The following CDK13 variants were observed in gnomAD, a reference collection of about 807,000 sequenced individuals.
CDK13 encodes the protein cyclin dependent kinase 13.
Under a neutral mutation model 137.6 loss-of-function variants are expected in CDK13, and 40 were observed. That is an observed-to-expected ratio of 0.29 (90% CI 0.23 to 0.38). CDK13 has a LOEUF of 0.38. CDK13 is among the 10% of genes least tolerant of loss of function. CDK13 has a pLI of 1.00. For missense variants in CDK13, 1,704 were observed against 1,951.8 expected (o/e 0.87, Z 2.39); for synonymous variants, 869 against 760.1 (o/e 1.14, Z -2.36).
chr7:39,993,728 A>G (rs1784508480), intron 2 of CDK13, among the ~76,000 whole-genome samples: 1 of 151,958 alleles, frequency 6.6e-6, no homozygotes, highest in Non-Finnish European at 1.5e-5. Context: ...ATTAATGGAT[A>G]CTTAGGTTTA....
At chr7:39,970,096 C>T (rs1783964025) in intron 1 of CDK13, among the ~76,000 whole-genome samples, 1 of 151,792 alleles carries the variant, frequency 6.6e-6, no homozygotes, top group Non-Finnish European at 1.5e-5. Context: ...CCTCCGCCTC[C>T]TGGGTTCAAG....
chr7:40,066,011 C>T (rs1786271903), intron 9 of CDK13, among the ~76,000 whole-genome samples: 1 of 152,086 alleles, frequency 6.6e-6, no homozygotes. Context: ...ATAGTGAGAA[C>T]TTGTCTCTAC....
At chr7:40,002,087 C>T in intron 5 of CDK13, 56 bp downstream of exon 5, 1 of 1,327,710 alleles carries the variant, frequency 7.5e-7, no homozygotes, top group Non-Finnish European at 1.0e-6. Context: ...ATGTTGCTAA[C>T]TTGGAAATTT....
intron 9 of CDK13, chr7:40,069,916 T>C (rs1786373210): frequency 2.6e-5 from 4 of 151,344 alleles, no homozygotes; most frequent in Admixed American, 1.3e-4. Flanking sequence ...ACCCCGTCTC[T>C]GCTAAAATAC....
intron 5 of CDK13, among the ~76,000 whole-genome samples, chr7:40,014,478 G>A (rs1357625817): frequency 1.4e-5 from 2 of 138,478 alleles, no homozygotes; most frequent in South Asian, 2.3e-4. Flanking sequence ...TTTTGAGATG[G>A]CCTTGCCCTG....
At chr7:40,084,588 G>A (rs1389296953) in intron 11 of CDK13, among the ~76,000 whole-genome samples, 1 of 152,216 alleles carries the variant, frequency 6.6e-6, no homozygotes, top group Non-Finnish European at 1.5e-5. Flanking sequence ...CAGCCTGTAA[G>A]CTTTCTTTAA....
chr7:40,029,334 A>G (rs545952377), intron 5 of CDK13, among the ~76,000 whole-genome samples: 2 of 152,052 alleles, frequency 1.3e-5, no homozygotes, highest in East Asian at 1.9e-4. Flanking sequence ...AGGCTGAGGC[A>G]GGAGAATCAC....
chr7:39,977,703 G>A (rs1445044209), intron 1 of CDK13, among the ~76,000 whole-genome samples: 1 of 152,166 alleles, frequency 6.6e-6, no homozygotes, highest in East Asian at 1.9e-4. Context: ...CGAAGGCTTT[G>A]GGGTAACTGA....
intron 7 of CDK13, among the ~76,000 whole-genome samples, chr7:40,058,953 G>C (rs933080821): frequency 6.6e-6 from 1 of 152,106 alleles, no homozygotes; most frequent in South Asian, 2.1e-4. Context: ...AAGTACATGG[G>C]GGGGTTGCCT....
intron 1 of CDK13, among the ~76,000 whole-genome samples, chr7:39,964,221 A>G (rs1477639014): frequency 2.6e-5 from 4 of 152,220 alleles, no homozygotes; most frequent in African/African-American, 9.7e-5. Context: ...TACCTCTGGT[A>G]GAATTCAGCT....
chr7:40,051,960 A>G (rs1340386305), intron 7 of CDK13, among the ~76,000 whole-genome samples: 1 of 152,140 alleles, frequency 6.6e-6, no homozygotes, highest in Non-Finnish European at 1.5e-5. Context: ...TTAACTGTTC[A>G]TCTTTTAGTA....
intron 12 of CDK13, among the ~76,000 whole-genome samples, chr7:40,090,440 G>A (rs1309124862): frequency 2.0e-5 from 3 of 152,186 alleles, no homozygotes; most frequent in Admixed American, 6.5e-5. Context: ...TGCAATCTCC[G>A]CCTCCCAGGT....
intron 1 of CDK13, among the ~76,000 whole-genome samples, chr7:39,976,313 TCTCTCTCTCTCACACACA>T (rs1421504537): frequency 5.4e-5 from 4 of 74,348 alleles, no homozygotes; most frequent in South Asian, 1.3e-3. Flanking sequence ...TCTCTCTCTC[TCTCTCTCTCTCACACACA>T]CACACACACA....
At chr7:39,997,210 C>T (rs949237919) in intron 2 of CDK13, among the ~76,000 whole-genome samples, 8 of 152,176 alleles carry the variant, frequency 5.3e-5, no homozygotes, top group South Asian at 2.1e-4. Context: ...ATGGTACATT[C>T]GTTAACAATT....
chr7:40,000,504 C>T (rs1444785116), intron 4 of CDK13, among the ~76,000 whole-genome samples: 3 of 152,182 alleles, frequency 2.0e-5, no homozygotes, highest in Non-Finnish European at 4.4e-5. Flanking sequence ...GATTGGACCA[C>T]TGCACTCCAG....
intron 7 of CDK13, among the ~76,000 whole-genome samples, chr7:40,055,163 T>A (rs1299974275): frequency 6.8e-6 from 1 of 147,628 alleles, no homozygotes; most frequent in Non-Finnish European, 1.5e-5. Context: ...GGACTGTGTG[T>A]GTGTGTGTGT....
Position 39,951,814 on chromosome 7 carries a change from C to G in CDK13, c.1173C>G (p.Ser391Arg). 22 of 1,454,024 alleles carry G rather than the reference C, an allele frequency of 1.5e-5. No homozygotes were observed. The highest frequency in any genetic ancestry group is 2.0e-5 in the Non-Finnish European group (22 of 1,112,450). 90.1% of individuals were successfully genotyped at this position (1,454,024 alleles called of 1,614,324 possible). ...CCCCTAGTCCCTACAGCAGCAGCAG[C>G]TGGCGCCGCTCTCGCAGTCCCTACA... ...DVSPSPYSSS[S>R]WRRSRSPYSP... is the part of the protein sequence containing the mutation. Residue 391 changes from serine to arginine, a missense_variant, in exon 1 of 14, where the codon AGC (serine) becomes AGG (arginine). Ser to Arg is a moderately radical substitution (Grantham distance 110). Around this residue, in one of 5 missense-constraint regions of CDK13, gnomAD observed 1,051 missense variants for 931.0 expected, o/e 1.13. Transcript: ENST00000181839.
rs1787039519 is a variant in CDK13 at position 40,096,036 on chromosome 7, T to C, written c.*1056T>C. The stretch of plus-strand genomic sequence containing the variant: ...CATTTTCTTTCAGGCTGCCATATTA[T>C]CCCTGTTTCCATTTGCCATGGATAA... On this transcript the variant is annotated 3_prime_UTR_variant, in exon 14 of 14. Coordinates refer to ENST00000181839, the MANE Select transcript of CDK13 (RefSeq NM_003718.5). The C allele has an allele frequency of 6.6e-6, 1 of 152,200 alleles. No individual in the cohort carries two copies. 9.4% of individuals were successfully genotyped at this position (152,200 alleles called of 1,614,324 possible). A position where few individuals can be genotyped will look rare whatever the true frequency, so the allele number is the denominator to read the frequency against.
At chr7:39,974,315 C>T (rs1457607452) in intron 1 of CDK13, among the ~76,000 whole-genome samples, 2 of 152,076 alleles carry the variant, frequency 1.3e-5, no homozygotes, top group Admixed American at 1.3e-4. Flanking sequence ...CTCCTCCTGC[C>T]TTGGCCTCCC....
Sources: gnomAD v4.1 joint callset for allele counts (sites outside exome capture counted in the v4.1 genomes callset) on GRCh38, gnomAD v4.1.1 for gene constraint, gnomAD v4.1.1 regional missense constraint, MANE v1.5 for transcripts, NCBI Gene and HGNC (gene_info 2026-07-23, HGNC 2026-07-21) for gene names.